The following RAF1 variants were observed in gnomAD, a reference collection of about 807,000 sequenced individuals.
The protein encoded by RAF1 is RAF proto-oncogene serine/threonine-protein kinase.
In RAF1, 27 loss-of-function variants were observed where a neutral mutation model predicts 81.1. That is an observed-to-expected ratio of 0.33 (90% confidence interval 0.25 to 0.46). RAF1 has a LOEUF of 0.46. RAF1 is among the 20% of genes least tolerant of loss of function. The pLI is 1.00. For missense variants in RAF1, 598 were observed against 826.0 expected, an observed-to-expected ratio of 0.72 and a Z score of 3.38; for synonymous variants, 298 against 294.0, an observed-to-expected ratio of 1.01 and a Z score of -0.14.
rs568774716 is a variant in RAF1 at position 12,583,748 on chromosome 3, TG to T, written c.*765del. ...CTGGCTTCCTTGTATACACATGATG[TG>T]ACTAGAGAAACAAGGCTGTTTGTTT... On this transcript the variant is annotated 3_prime_UTR_variant, in exon 18 of 18. Coordinates refer to ENST00000442415, the MANE Select transcript of RAF1 (RefSeq NM_001354689.3). 3.0e-4 allele frequency: 69 copies of T among 233,554 alleles called. No homozygotes were observed. The highest frequency in any genetic ancestry group is 1.5e-3 in the African/African-American group (66 of 45,446). 14.5% of individuals were successfully genotyped at this position (233,554 alleles called of 1,614,324 possible).
intron 8 of RAF1, among the ~76,000 whole-genome samples, chr3:12,603,081 A>C (rs985664411): frequency 1.3e-5 from 2 of 152,094 alleles, no homozygotes; most frequent in South Asian, 4.1e-4. Flanking sequence ...GTTTGTTTTT[A>C]AGGTGGATTC....
At chr3:12,634,178 T>TG (rs2059950182) in intron 1 of RAF1, among the ~76,000 whole-genome samples, 1 of 150,808 alleles carries the variant, frequency 6.6e-6, no homozygotes, top group African/African-American at 2.4e-5. Context: ...AGATGAGTCT[T>TG]GCTCTATCAC....
chr3:12,643,573 T>G (rs1399830247), intron 1 of RAF1, among the ~76,000 whole-genome samples: 1 of 151,846 alleles, frequency 6.6e-6, no homozygotes, highest in Non-Finnish European at 1.5e-5. Context: ...AAACCCCATC[T>G]CTACTAAAAA....
At chr3:12,606,373 T>C in intron 5 of RAF1, 74 bp from the exon 6 acceptor site, 1 of 1,115,942 alleles carries the variant, frequency 9.0e-7, no homozygotes, top group Non-Finnish European at 1.3e-6. Flanking sequence ...TGCCTTGCTT[T>C]TGCAAACTCA....
At position 12,618,522 on chromosome 3, in the gene RAF1, C is replaced by G. The variant is rs2125452695; in HGVS notation, c.200G>C (p.Arg67Thr). Residue 67 changes from arginine to threonine, a missense_variant, in exon 2 of 18, where the codon AGA (arginine) becomes ACA (threonine). This residue lies in a region of RAF1 where 89 missense variants were observed against 169.2 expected (regional missense o/e 0.53). Transcript: ENST00000442415. ...AGTAGAATGTTCACATACCACTGTT[C>G]TTTGCTTGTTCGGCAAGAAAACACG... The G allele has an allele frequency of 6.2e-7, 1 of 1,614,158 alleles. No homozygotes were observed. Among genetic ancestry groups the G allele is most frequent in the East Asian group, 2.2e-5 (1 of 44,884 alleles).
rs370586430 is a variant in RAF1, at chr3:12,636,093, C to G, written c.-26-17346G>C. Among the ~76,000 whole-genome samples, 3 of 152,030 alleles carry G rather than the reference C, an allele frequency of 2.0e-5. No individual in the cohort carries two copies. The South Asian group carries it at 6.2e-4, about 32-fold the overall frequency. On this transcript the variant is annotated intron_variant, in intron 1 of 17. Coordinates refer to ENST00000442415, the MANE Select transcript of RAF1 (RefSeq NM_001354689.3). ...TTGAGGTCAGGGGTTCCAGACCAGC[C>G]TGGCCAGTGTGGTGAAACCCCGTCT...
chr3:12,647,155 G>C (rs2060375658), intron 1 of RAF1, among the ~76,000 whole-genome samples: 1 of 151,900 alleles, frequency 6.6e-6, no homozygotes, highest in Admixed American at 6.6e-5. Flanking sequence ...AATTAGCCTG[G>C]TGTGGTGGCG....
chr3:12,627,767 C>G, intron 1 of RAF1, among the ~76,000 whole-genome samples: 1 of 152,166 alleles, frequency 6.6e-6, no homozygotes, highest in South Asian at 2.1e-4. Context: ...TTCTTCAAAG[C>G]CGTATCTTTC....
At chr3:12,650,642 C>T (rs2060493304) in intron 1 of RAF1, among the ~76,000 whole-genome samples, 1 of 152,180 alleles carries the variant, frequency 6.6e-6, no homozygotes, top group Non-Finnish European at 1.5e-5. Flanking sequence ...CTACTTTCAA[C>T]TGTTAGCTGC....
At chr3:12,638,113 C>A (rs1308319084) in intron 1 of RAF1, among the ~76,000 whole-genome samples, 1 of 152,106 alleles carries the variant, frequency 6.6e-6, no homozygotes, top group Non-Finnish European at 1.5e-5. Flanking sequence ...TAGGTATTTG[C>A]CTACTCAATG....
intron 1 of RAF1, among the ~76,000 whole-genome samples, chr3:12,650,039 G>A (rs5746167): frequency 2.8e-4 from 42 of 150,936 alleles, no homozygotes; most frequent in Admixed American, 2.3e-3. Flanking sequence ...CCAGCTACTC[G>A]GGAGGCTGAG....
chr3:12,627,177 G>C (rs1172370227), intron 1 of RAF1, among the ~76,000 whole-genome samples: 2 of 152,098 alleles, frequency 1.3e-5, no homozygotes, highest in African/African-American at 2.4e-5. Context: ...CCTTTCACAT[G>C]CCAGAGAAGA....
chr3:12,654,615 A>C (rs2060629622), intron 1 of RAF1, among the ~76,000 whole-genome samples: 1 of 151,538 alleles, frequency 6.6e-6, no homozygotes, highest in Non-Finnish European at 1.5e-5. Context: ...CAACACAAAA[A>C]AAGGGTATGA....
At chr3:12,609,130 A>G in intron 4 of RAF1, 103 bp downstream of exon 4, 1 of 1,082,304 alleles carries the variant, frequency 9.2e-7, no homozygotes, top group Non-Finnish European at 1.4e-6. Flanking sequence ...ACTTTAAACA[A>G]TCCAACTATA....
rs563575013 is a variant in RAF1 at position 12,606,292 on chromosome 3, G to C, written c.589C>G (p.Pro197Ala). 6 of 1,611,140 alleles carry C rather than the reference G, an allele frequency of 3.7e-6. No homozygotes were observed. Among genetic ancestry groups the C allele is most frequent in the East Asian group, 2.2e-5 (1 of 44,848 alleles). ...CCACTATCACCAATAGTGGAATTTG[G>C]AAACAATCTAAACAAAAGCAGGGAA... Residue 197 changes from proline (P) to alanine (A), a missense_variant, in exon 6 of 18, where the codon CCA (proline) becomes GCA (alanine). Pro to Ala is a conservative substitution (Grantham distance 27). Coordinates refer to ENST00000442415, the MANE Select transcript of RAF1 (RefSeq NM_001354689.3).
intron 11 of RAF1, among the ~76,000 whole-genome samples, chr3:12,597,792 G>A (rs2058731024): frequency 6.6e-6 from 1 of 151,822 alleles, no homozygotes; most frequent in African/African-American, 2.4e-5. Flanking sequence ...GCATGTGCCT[G>A]TAGTCCTAGC....
intron 1 of RAF1, among the ~76,000 whole-genome samples, chr3:12,653,011 G>T (rs1365207637): frequency 6.6e-6 from 1 of 151,968 alleles, no homozygotes; most frequent in Non-Finnish European, 1.5e-5. Flanking sequence ...GCTGGGTGCG[G>T]TAGCTCATGC....
chr3:12,612,620 G>T (rs2059249064), intron 2 of RAF1, among the ~76,000 whole-genome samples: 2 of 144,680 alleles, frequency 1.4e-5, no homozygotes, highest in Non-Finnish European at 3.0e-5. Context: ...TTGCACTCCA[G>T]CCTGGGTGAC....
chr3:12,654,412 G>A (rs2060623075), intron 1 of RAF1, among the ~76,000 whole-genome samples: 1 of 152,032 alleles, frequency 6.6e-6, no homozygotes, highest in South Asian at 2.1e-4. Context: ...CATCAGCCTG[G>A]GCAACATGGC....
Sources: allele counts gnomAD v4.1 joint callset (sites outside exome capture counted in the v4.1 genomes callset), GRCh38; gene constraint gnomAD v4.1.1; regional missense constraint gnomAD v4.1.1; transcripts MANE v1.5; gene names NCBI Gene and HGNC (gene_info 2026-07-23, HGNC 2026-07-21).